Variants in RABGEF1 observed in about 807,000 individuals in gnomAD.
The protein encoded by RABGEF1 is RAB guanine nucleotide exchange factor 1.
RABGEF1 carries 26 observed loss-of-function variants against 57.3 expected under a neutral mutation model. The observed-to-expected ratio is 0.45, with a 90% CI of 0.33 to 0.63. The LOEUF (loss-of-function observed/expected upper bound fraction) is 0.63. Ranked by LOEUF, RABGEF1 falls within the 20% of genes least tolerant of loss-of-function variation. The pLI is 0.02. For missense variants in RABGEF1, 464 were observed against 607.6 expected, an observed-to-expected ratio of 0.76 and a Z score of 2.48; for synonymous variants, 185 against 210.7, an observed-to-expected ratio of 0.88 and a Z score of 1.06.
the RABGEF1 span, among the ~76,000 whole-genome samples, chr7:66,654,878 G>T: frequency 6.6e-6 from 1 of 152,256 alleles, no homozygotes. Flanking sequence ...TAACGTGCTC[G>T]TTGCCGGCAT....
At chr7:66,803,340 A>G (rs780875324) in intron 7 of RABGEF1, among the ~76,000 whole-genome samples, 1 of 152,228 alleles carries the variant, frequency 6.6e-6, no homozygotes, top group Non-Finnish European at 1.5e-5. Context: ...ACCCTTTGGT[A>G]TACCCCACCG....
intron 1 of RABGEF1, among the ~76,000 whole-genome samples, chr7:66,689,752 A>C (rs898605690): frequency 2.0e-5 from 3 of 151,902 alleles, no homozygotes; most frequent in Non-Finnish European, 2.9e-5. Flanking sequence ...CAGTGAACCG[A>C]GATTGCACCA....
At chr7:66,806,678 CTG>C in intron 8 of RABGEF1, among the ~76,000 whole-genome samples, 1 of 133,744 alleles carries the variant, frequency 7.5e-6, no homozygotes. Context: ...GAGTCTCCCT[CTG>C]TCATCCAGGC....
At chr7:66,711,771 A>G (rs1794816354) in intron 1 of RABGEF1, among the ~76,000 whole-genome samples, 1 of 152,054 alleles carries the variant, frequency 6.6e-6, no homozygotes, top group Non-Finnish European at 1.5e-5. Flanking sequence ...TATTTTTAGT[A>G]GAGACGGAGT....
chr7:66,711,879 C>T (rs1794827665), intron 1 of RABGEF1, among the ~76,000 whole-genome samples: 2 of 152,164 alleles, frequency 1.3e-5, no homozygotes, highest in African/African-American at 2.4e-5. Context: ...AGCCACTGCA[C>T]CCGGACTGTA....
At chr7:66,739,034 TCCGCTTC>T (rs1798405244), upstream of RABGEF1, among the ~76,000 whole-genome samples, 1 of 152,074 alleles carries the variant, frequency 6.6e-6, no homozygotes, top group Non-Finnish European at 1.5e-5. Flanking sequence ...CACTGCAACC[TCCGCTTC>T]CCGGGCTCAA....
At chr7:66,676,824 A>G in the RABGEF1 span, among the ~76,000 whole-genome samples, 1 of 152,172 alleles carries the variant, frequency 6.6e-6, no homozygotes, top group Non-Finnish European at 1.5e-5. Flanking sequence ...CTTCAAGCCT[A>G]GCTCCCACCT....
chr7:66,779,668 A>AT lies in RABGEF1; in HGVS notation c.347-4005dup, dbSNP rs956770005. On this transcript the variant is annotated intron_variant, in intron 3 of 8. Transcript: ENST00000284957. ...GCCTGGGTGACAGAGCGAGACCCTG[A>AT]TTAAAAAAAAAAAAAAAAACACCAA... is the stretch of plus-strand genomic sequence containing the variant. 2.1e-5 allele frequency among the ~76,000 whole-genome samples: 3 copies of AT among 144,442 alleles called. No homozygotes were observed. The South Asian group carries it at 6.7e-4, about 32-fold the overall frequency. 94.8% of individuals were successfully genotyped at this position (144,442 alleles called of 152,430 possible).
At chr7:66,738,030 T>TTTTTTTTTTTTTGTTTTTG (rs1562756395), upstream of RABGEF1, among the ~76,000 whole-genome samples, 2 of 146,890 alleles carry the variant, frequency 1.4e-5, no homozygotes, top group Non-Finnish European at 1.5e-5. Flanking sequence ...TTTGTTTTTT[T>TTTTTTTTTTTTTGTTTTTG]TTTTTTTTGA....
intron 1 of RABGEF1, among the ~76,000 whole-genome samples, chr7:66,741,210 C>T (rs922682235): frequency 1.1e-4 from 16 of 152,198 alleles, no homozygotes; most frequent in Non-Finnish European, 2.1e-4. Flanking sequence ...ACAACCTCCC[C>T]GGAAAGCGCT....
intron 2 of RABGEF1, among the ~76,000 whole-genome samples, chr7:66,716,496 G>A (rs1196016533): frequency 6.6e-6 from 1 of 152,136 alleles, no homozygotes; most frequent in Non-Finnish European, 1.5e-5. Flanking sequence ...AGCTACTCAG[G>A]AGGCTGAGGC....
In RABGEF1 at chr7:66,783,750, A is replaced by G. The variant is rs1404432733; in HGVS notation, c.422A>G (p.Glu141Gly). Residue 141 changes from glutamate to glycine, a missense_variant, in exon 4 of 9, where the codon GAG becomes GGG. By Grantham distance (98) the Glu-to-Gly change is moderately conservative. Transcript: ENST00000284957. Reference protein sequence around the residue: ...TSIETDRVSKEFIEFLKTFHK... With the variant: ...TSIETDRVSKGFIEFLKTFHK... ...ATTGAAACGGATAGAGTGTCTAAGG[A>G]GTTCATAGAATTTCTCAAGACCTTC... is the stretch of plus-strand genomic sequence containing the variant. 1 of 1,613,760 alleles carries G rather than the reference A, an allele frequency of 6.2e-7. No individual in the cohort carries two copies. Among genetic ancestry groups the G allele is most frequent in the Non-Finnish European group, 8.5e-7 (1 of 1,179,736 alleles).
intron 4 of RABGEF1, among the ~76,000 whole-genome samples, chr7:66,791,989 G>A (rs1812782385): frequency 1.3e-5 from 2 of 151,984 alleles, no homozygotes; most frequent in Non-Finnish European, 2.9e-5. Flanking sequence ...GCACATGCCT[G>A]TAGTCCCAGC....
At chr7:66,772,784 C>T (rs985502093) in intron 2 of RABGEF1, among the ~76,000 whole-genome samples, 1 of 151,818 alleles carries the variant, frequency 6.6e-6, no homozygotes, top group African/African-American at 2.4e-5. Context: ...TGGTGGTACG[C>T]ATTTGTTATC....
intron 1 of RABGEF1, among the ~76,000 whole-genome samples, chr7:66,755,068 GCGGATCA>G: frequency 6.6e-6 from 1 of 152,308 alleles, no homozygotes; most frequent in South Asian, 2.1e-4. Context: ...GCCAAGGCAG[GCGGATCA>G]CGAGGTCAGG....
chr7:66,735,626 C>T (rs759603027), intron 2 of RABGEF1, among the ~76,000 whole-genome samples: 29 of 152,092 alleles, frequency 1.9e-4, no homozygotes, highest in Admixed American at 1.4e-3. Flanking sequence ...GTGCTGTTCT[C>T]GTGATGGTGA....
intron 1 of RABGEF1, among the ~76,000 whole-genome samples, chr7:66,760,643 T>C (rs1391242944): frequency 6.6e-6 from 1 of 152,062 alleles, no homozygotes; most frequent in Non-Finnish European, 1.5e-5. Flanking sequence ...GGAGTTTCAC[T>C]GTGTTGGCCA....
chr7:66,677,277 T>C (rs544622477), upstream of RABGEF1, among the ~76,000 whole-genome samples: 1 of 152,134 alleles, frequency 6.6e-6, no homozygotes. Flanking sequence ...CTGAAAAATC[T>C]ACAGTTAACA....
chr7:66,746,499 CA>C (rs560503037), intron 1 of RABGEF1, among the ~76,000 whole-genome samples: 159 of 151,936 alleles, frequency 1.0e-3, no homozygotes, highest in African/African-American at 3.5e-3. Context: ...CCATATTGGC[CA>C]GGCTGATCTC....
Sources: allele counts gnomAD v4.1 joint callset (sites outside exome capture counted in the v4.1 genomes callset), GRCh38; gene constraint gnomAD v4.1.1; transcripts MANE v1.5; gene names NCBI Gene and HGNC (gene_info 2026-07-23, HGNC 2026-07-21).